Variants in ATP9B observed in about 807,000 individuals in gnomAD.
ATP9B encodes the protein ATPase phospholipid transporting 9B.
Under a neutral mutation model 146.1 loss-of-function variants are expected in ATP9B, and 110 were observed. The ratio of observed to expected loss-of-function variants is 0.75; its 90% CI spans 0.65 to 0.88. ATP9B has a LOEUF of 0.88. Among genes scored for constraint, ATP9B ranks in the 40% least tolerant of loss-of-function variants. The pLI is 0.00. For missense variants in ATP9B, 1,499 were observed against 1,496.4 expected (o/e 1.00, Z -0.03); for synonymous variants, 604 against 569.7 (o/e 1.06, Z -0.86).
chr18:79,356,248 A>G (rs2096952156), intron 25 of ATP9B, among the ~76,000 whole-genome samples: 1 of 152,172 alleles, frequency 6.6e-6, no homozygotes, highest in Non-Finnish European at 1.5e-5. Context: ...GATAGCTCTT[A>G]CATTGCTGTA....
intron 3 of ATP9B, among the ~76,000 whole-genome samples, chr18:79,111,866 T>C (rs181773499): frequency 8.2e-4 from 125 of 152,308 alleles, no homozygotes; most frequent in Middle Eastern, 6.8e-3. Flanking sequence ...AAATGTAGTA[T>C]TTTAGAAACA....
At chr18:79,155,225 G>A (rs2094756441) in intron 7 of ATP9B, among the ~76,000 whole-genome samples, 1 of 152,132 alleles carries the variant, frequency 6.6e-6, no homozygotes, top group African/African-American at 2.4e-5. Context: ...AATCCTAACT[G>A]TATAGGTACT....
At chr18:79,147,550 C>T (rs1599901835) in intron 6 of ATP9B, among the ~76,000 whole-genome samples, 1 of 151,620 alleles carries the variant, frequency 6.6e-6, no homozygotes, top group Non-Finnish European at 1.5e-5. Flanking sequence ...AACTCTAAAA[C>T]GTGGAAAGTG....
At chr18:79,376,636 C>T (rs1427435913) in intron 29 of ATP9B, among the ~76,000 whole-genome samples, 1 of 151,708 alleles carries the variant, frequency 6.6e-6, no homozygotes, top group Non-Finnish European at 1.5e-5. Flanking sequence ...GTGATCCACC[C>T]ACCTCAGCCT....
At chr18:79,081,964 G>T (rs2146524461) in intron 1 of ATP9B, among the ~76,000 whole-genome samples, 1 of 152,186 alleles carries the variant, frequency 6.6e-6, no homozygotes, top group East Asian at 1.9e-4. Flanking sequence ...GTCTTGCTAG[G>T]TTGGGGAAGT....
intron 12 of ATP9B, among the ~76,000 whole-genome samples, chr18:79,269,627 T>A (rs1166424094): frequency 6.6e-6 from 1 of 152,226 alleles, no homozygotes; most frequent in Non-Finnish European, 1.5e-5. Context: ...TGTTATGTGG[T>A]AGTGTTTGTT....
intron 9 of ATP9B, among the ~76,000 whole-genome samples, chr18:79,204,817 T>C (rs1030680127): frequency 3.9e-5 from 6 of 152,208 alleles, no homozygotes; most frequent in African/African-American, 1.4e-4. Context: ...GTGTCCTTTG[T>C]TGTGGCTGGC....
intron 8 of ATP9B, among the ~76,000 whole-genome samples, chr18:79,185,505 G>A (rs2095299313): frequency 6.6e-6 from 1 of 152,078 alleles, no homozygotes; most frequent in Non-Finnish European, 1.5e-5. Flanking sequence ...ATAACTATAT[G>A]GTAAATGAAA....
chr18:79,106,966 T>C lies in ATP9B; in HGVS notation c.294-3389T>C, dbSNP rs115212985. 4.9e-3 allele frequency among the ~76,000 whole-genome samples: 744 copies of C among 152,338 alleles called. 5 individuals carry two copies. The highest frequency in any genetic ancestry group is 0.025 in the South Asian group (119 of 4,832). ...ATCAGATAATGCTATAAAGCTTATA[T>C]TTTCTAAATTTTATATGTATCTTTT... On this transcript the variant is annotated intron_variant, in intron 2 of 29. Transcript: ENST00000426216.
At chr18:79,172,060 T>A (rs915230289) in intron 7 of ATP9B, among the ~76,000 whole-genome samples, 5 of 152,180 alleles carry the variant, frequency 3.3e-5, no homozygotes, top group African/African-American at 1.2e-4. Context: ...GGCTAATTTT[T>A]GTATTTTTGG....
intron 6 of ATP9B, among the ~76,000 whole-genome samples, chr18:79,148,959 T>TA (rs2094637770): frequency 1.3e-5 from 2 of 152,342 alleles, no homozygotes; most frequent in South Asian, 4.1e-4. Flanking sequence ...GCAGTACTCT[T>TA]ACAGTCATTG....
At chr18:79,133,616 C>T (rs1182113550) in intron 5 of ATP9B, among the ~76,000 whole-genome samples, 1 of 152,104 alleles carries the variant, frequency 6.6e-6, no homozygotes, top group Non-Finnish European at 1.5e-5. Context: ...CACACACACT[C>T]AAGTAGATAC....
At chr18:79,201,087 ATTTG>A (rs1331404344) in intron 9 of ATP9B, among the ~76,000 whole-genome samples, 1 of 152,186 alleles carries the variant, frequency 6.6e-6, no homozygotes, top group African/African-American at 2.4e-5. Context: ...AGAGAAACTT[ATTTG>A]TGGTTTTCAA....
rs71359450 is a variant in ATP9B, at chr18:79,327,647, A to T, written c.1774-1494A>T. ...GGTTAGTGTGCCCTCCCTGGTTAGC[A>T]TGCTCTCCGTGTTTAGCGTGCTCTC... On this transcript the variant is annotated intron_variant, in intron 15 of 29. Coordinates refer to ENST00000426216, the MANE Select transcript of ATP9B (RefSeq NM_198531.5). Among the ~76,000 whole-genome samples the T allele has an allele frequency of 1.3e-4, 4 of 31,316 alleles. 1 individual carries two copies. Among genetic ancestry groups the T allele is most frequent in the East Asian group, 1.4e-3 (1 of 714 alleles). 20.5% of individuals were successfully genotyped at this position (31,316 alleles called of 152,430 possible).
At chr18:79,130,486 A>C (rs1019744747) in intron 5 of ATP9B, among the ~76,000 whole-genome samples, 5 of 151,098 alleles carry the variant, frequency 3.3e-5, no homozygotes, top group African/African-American at 1.2e-4. Context: ...CCAAATACAC[A>C]TGATGGAGAT....
intron 25 of ATP9B, chr18:79,353,189 C>G (rs1024066358): frequency 2.6e-5 from 4 of 152,378 alleles, no homozygotes; most frequent in Admixed American, 2.6e-4. Context: ...TCCAGCCACT[C>G]CAGAAAGCAG....
rs964133775 is a variant in ATP9B at position 79,193,051 on chromosome 18, C to T, written c.874-132C>T. 4.2e-6 allele frequency: 3 copies of T among 719,870 alleles called. No individual in the cohort carries two copies. The East Asian group carries it at 8.8e-5, about 21-fold the overall frequency. 44.6% of individuals were successfully genotyped at this position (719,870 alleles called of 1,614,324 possible). A position where few individuals can be genotyped will look rare whatever the true frequency, so the allele number is the denominator to read the frequency against. The stretch of plus-strand genomic sequence containing the variant: ...CATTCTAATTTATAGTGTTGGCACA[C>T]AAAAATCTAAGAAAATCAATGATTG... On this transcript the variant is annotated intron_variant, in intron 8 of 29. Transcript: ENST00000426216.
At position 79,321,882 on chromosome 18, in the gene ATP9B, C is replaced by T. The variant is rs74378842; in HGVS notation, c.1774-7259C>T. ...CACCAGTGAGATGACAGGGTGTTCA[C>T]GGAAAGATGCAATTTACAGGTCAAA... On this transcript the variant is annotated intron_variant, in intron 15 of 29. Transcript: ENST00000426216. Among the ~76,000 whole-genome samples, 257 of 152,182 alleles carry T rather than the reference C, an allele frequency of 1.7e-3. 4 individuals carry two copies. The highest frequency in any genetic ancestry group is 5.8e-3 in the African/African-American group (241 of 41,510).
intron 1 of ATP9B, among the ~76,000 whole-genome samples, chr18:79,071,596 A>G (rs891140133): frequency 1.1e-4 from 17 of 151,616 alleles, no homozygotes; most frequent in East Asian, 3.9e-4. Flanking sequence ...ATATTGCCCA[A>G]CTGGTCTCAA....
Sources: allele counts gnomAD v4.1 joint callset (sites outside exome capture counted in the v4.1 genomes callset), GRCh38; gene constraint gnomAD v4.1.1; transcripts MANE v1.5; gene names NCBI Gene and HGNC (gene_info 2026-07-23, HGNC 2026-07-21).